THSD7B: variants seen among roughly 807,000 people sequenced by gnomAD.
THSD7B encodes the protein thrombospondin type-1 domain-containing protein 7B.
A neutral mutation model predicts 213.6 loss-of-function variants in THSD7B; 138 were observed. The ratio of observed to expected loss-of-function variants is 0.65; its 90% CI spans 0.56 to 0.74. THSD7B has a LOEUF of 0.74. THSD7B is among the 30% of genes least tolerant of loss of function. The probability of loss-of-function intolerance (pLI) is 0.00; values close to 1 mark genes in which losing one functional copy is unlikely to be tolerated. For synonymous variants in THSD7B, 742 were observed against 687.0 expected (o/e 1.08, Z -1.25); for missense variants, 1,931 against 1,991.5 (o/e 0.97, Z 0.58).
chr2:137,242,580 G>A lies in THSD7B; in HGVS notation c.2266+8G>A. The A allele has an allele frequency of 1.9e-6, 3 of 1,600,008 alleles. No homozygotes were observed. In the South Asian group the frequency reaches 3.3e-5, roughly 18 times the overall value. Reference sequence around the variant, plus strand: ...CAAGGATGTGCCAAGCAGGTAGGTGGATGCTGCGTTCTTAGTTCTTTCTTC... The same window carrying A: ...CAAGGATGTGCCAAGCAGGTAGGTGAATGCTGCGTTCTTAGTTCTTTCTTC... On this transcript the variant is annotated splice_region_variant and intron_variant, in intron 10 of 27. Transcript: ENST00000409968.
intron 1 of THSD7B, among the ~76,000 whole-genome samples, chr2:136,829,259 G>T (rs928232149): frequency 6.6e-6 from 1 of 151,882 alleles, no homozygotes; most frequent in African/African-American, 2.4e-5. Context: ...GAAGATCAGT[G>T]TACCTTTGTT....
chr2:137,037,814 G>A (rs1686805717), intron 2 of THSD7B, among the ~76,000 whole-genome samples: 1 of 151,986 alleles, frequency 6.6e-6, no homozygotes, highest in Non-Finnish European at 1.5e-5. Flanking sequence ...ATACAGTATG[G>A]AGAAATGATA....
At chr2:137,211,560 A>G (rs1681112967) in intron 7 of THSD7B, among the ~76,000 whole-genome samples, 3 of 152,166 alleles carry the variant, frequency 2.0e-5, no homozygotes, top group African/African-American at 7.2e-5. Flanking sequence ...CTGAATTTTA[A>G]TATAGAATTT....
chr2:137,050,587 G>A (rs16837951), intron 2 of THSD7B, among the ~76,000 whole-genome samples: 19,214 of 152,064 alleles, frequency 0.13, 1,910 homozygotes, highest in African/African-American at 0.28. Flanking sequence ...AATGCTCTGC[G>A]GTAGTCTGCT....
chr2:136,855,591 ATTATTTATTTATTAT>A (rs879393948), intron 1 of THSD7B, among the ~76,000 whole-genome samples: 4,083 of 130,768 alleles, frequency 0.031, 104 homozygotes, highest in South Asian at 0.17. Context: ...GCATCCGGCT[ATTATTTATTTATTAT>A]TTATTTATTT....
At chr2:137,003,759 G>A (rs1335724480) in intron 2 of THSD7B, among the ~76,000 whole-genome samples, 3 of 152,064 alleles carry the variant, frequency 2.0e-5, no homozygotes, top group African/African-American at 7.2e-5. Flanking sequence ...AGTCATCACA[G>A]CTAATCCTCA....
intron 5 of THSD7B, among the ~76,000 whole-genome samples, chr2:137,125,085 A>T (rs947433100): frequency 2.6e-5 from 4 of 152,124 alleles, no homozygotes; most frequent in African/African-American, 9.7e-5. Flanking sequence ...TGAATAATCT[A>T]TGGGCATTTA....
intron 1 of THSD7B, among the ~76,000 whole-genome samples, chr2:136,858,865 A>G (rs1461495767): frequency 6.6e-6 from 1 of 152,326 alleles, no homozygotes; most frequent in South Asian, 2.1e-4. Flanking sequence ...GATGCGACAG[A>G]TGTTCATCAA....
At chr2:137,022,863 A>G (rs796376915) in intron 2 of THSD7B, among the ~76,000 whole-genome samples, 10 of 152,294 alleles carry the variant, frequency 6.6e-5, no homozygotes, top group African/African-American at 2.2e-4. Context: ...CAACTACTTA[A>G]TTCTGCTGTT....
intron 15 of THSD7B, among the ~76,000 whole-genome samples, chr2:137,560,910 G>A (rs183181413): frequency 4.5e-4 from 69 of 152,178 alleles, no homozygotes; most frequent in Middle Eastern, 3.4e-3. Flanking sequence ...ACACTAACTG[G>A]GGTCAGAGGA....
intron 2 of THSD7B, among the ~76,000 whole-genome samples, chr2:137,040,649 T>C (rs1686865981): frequency 6.6e-6 from 1 of 152,100 alleles, no homozygotes; most frequent in East Asian, 1.9e-4. Context: ...CGCCTTGGCA[T>C]CCCAAAATGC....
intron 2 of THSD7B, among the ~76,000 whole-genome samples, chr2:136,888,004 C>T (rs1262042150): frequency 6.6e-6 from 1 of 152,034 alleles, no homozygotes; most frequent in Non-Finnish European, 1.5e-5. Context: ...CTGTTAGCTA[C>T]TATTTCTATC....
At chr2:136,878,181 T>A (rs1683555767) in intron 1 of THSD7B, among the ~76,000 whole-genome samples, 1 of 152,206 alleles carries the variant, frequency 6.6e-6, no homozygotes, top group Non-Finnish European at 1.5e-5. Flanking sequence ...TTTGGTTTTT[T>A]GTCCTTGCAA....
chr2:137,665,176 G>T (rs561954093), intron 26 of THSD7B, among the ~76,000 whole-genome samples: 27 of 152,272 alleles, frequency 1.8e-4, no homozygotes, highest in South Asian at 4.1e-4. Context: ...ATTTAAATTT[G>T]AAGGAAGCAT....
intron 15 of THSD7B, among the ~76,000 whole-genome samples, chr2:137,473,942 G>A (rs1169598376): frequency 6.6e-6 from 1 of 152,114 alleles, no homozygotes; most frequent in African/African-American, 2.4e-5. Flanking sequence ...GGGGATAAAG[G>A]AAATGAAACT....
chr2:136,842,315 A>G (rs62171214), intron 1 of THSD7B, among the ~76,000 whole-genome samples: 16,124 of 152,252 alleles, frequency 0.11, 1,169 homozygotes, highest in Non-Finnish European at 0.16. Context: ...ACAGTGTGAA[A>G]CAGTTTGTGT....
chr2:137,152,021 T>C (rs1296020369), intron 5 of THSD7B, among the ~76,000 whole-genome samples: 1 of 151,688 alleles, frequency 6.6e-6, no homozygotes, highest in Non-Finnish European at 1.5e-5. Context: ...TTTTTTTTTT[T>C]TTTTTGTCAT....
chr2:137,283,274 A>T (rs1218943039), intron 12 of THSD7B, among the ~76,000 whole-genome samples: 1 of 152,136 alleles, frequency 6.6e-6, no homozygotes, highest in East Asian at 1.9e-4. Flanking sequence ...GAGACTGCTG[A>T]AGTTGCTTAT....
At chr2:137,501,007 T>C (rs886332748) in intron 15 of THSD7B, among the ~76,000 whole-genome samples, 17 of 152,172 alleles carry the variant, frequency 1.1e-4, no homozygotes, top group Non-Finnish European at 8.8e-5. Flanking sequence ...ATTTGTAAGA[T>C]TAAGCATCTC....
Sources: gnomAD v4.1 joint callset for allele counts (sites outside exome capture counted in the v4.1 genomes callset) on GRCh38, gnomAD v4.1.1 for gene constraint, MANE v1.5 for transcripts, NCBI Gene and HGNC (gene_info 2026-07-23, HGNC 2026-07-21) for gene names.